Variants in PDP2 observed in about 807,000 individuals in gnomAD.
PDP2 encodes the protein [Pyruvate dehydrogenase [acetyl-transferring]]-phosphatase 2, mitochondrial.
A neutral mutation model predicts 34.2 loss-of-function variants in PDP2; 23 were observed. That is an observed-to-expected ratio of 0.67 (90% CI 0.48 to 0.95). The LOEUF is 0.95. Ranked by LOEUF, PDP2 falls within the 40% of genes least tolerant of loss-of-function variation. The pLI is 0.00. For missense variants in PDP2, 571 were observed against 659.6 expected, an observed-to-expected ratio of 0.87 and a Z score of 1.47; for synonymous variants, 275 against 269.2, an observed-to-expected ratio of 1.02 and a Z score of -0.21.
chr16:66,884,329 C>G lies in PDP2; in HGVS notation c.45C>G (p.Asn15Lys). 2 of 1,613,478 alleles carry G rather than the reference C, an allele frequency of 1.2e-6. No homozygotes were observed. Among genetic ancestry groups the G allele is most frequent in the Admixed American group, 1.7e-5 (1 of 59,974 alleles). The change falls in exon 2 of 2, where the codon AAC (asparagine) becomes AAG (lysine). Residue 15 changes from asparagine to lysine, a missense_variant. Physicochemically the swap from Asn to Lys is moderately conservative, Grantham distance 94. This residue lies in a region of PDP2 where 290 missense variants were observed against 283.8 expected (regional missense o/e 1.02). Coordinates refer to ENST00000311765, the MANE Select transcript of PDP2 (RefSeq NM_020786.4). ...VSYWILNSTR[N>K]SIATLQGGRR... The stretch of plus-strand genomic sequence containing the variant: ...ACTGGATCTTAAATTCTACAAGGAA[C>G]AGCATTGCCACATTGCAAGGGGGTA...
chr16:66,887,961 A>G lies in PDP2; in HGVS notation c.*2087A>G. On this transcript the variant is annotated 3_prime_UTR_variant, in exon 2 of 2. Transcript: ENST00000311765. ...GAGTGAAACTCTGTCTCAAAAAAAA[A>G]AAAAAAAAATCCATCTTATCTCTTA... 1 of 151,720 alleles carries G rather than the reference A, an allele frequency of 6.6e-6. No homozygotes were observed. The highest frequency in any genetic ancestry group is 1.5e-5 in the Non-Finnish European group (1 of 67,952). 9.4% of individuals were successfully genotyped at this position (151,720 alleles called of 1,614,324 possible).
Position 66,884,946 on chromosome 16 carries a change from T to C in PDP2, c.662T>C (p.Met221Thr), listed in dbSNP as rs749897932. 1 of 1,613,940 alleles carries C rather than the reference T, an allele frequency of 6.2e-7. No homozygotes were observed. Among genetic ancestry groups the C allele is most frequent in the Non-Finnish European group, 8.5e-7 (1 of 1,179,966 alleles). ...VYWQELLDLH[M>T]EMGLSIEEAL... ...TGGCAGGAACTGCTTGATTTGCACATGGAAATGGGACTAAGCATTGAAGAA... is the reference window on the plus strand; with the variant it reads ...TGGCAGGAACTGCTTGATTTGCACACGGAAATGGGACTAAGCATTGAAGAA... Residue 221 changes from methionine to threonine, a missense_variant, in exon 2 of 2, where the codon ATG (methionine) becomes ACG (threonine). This residue lies in a region of PDP2 where 290 missense variants were observed against 283.8 expected (regional missense o/e 1.02). Transcript: ENST00000311765.
rs1961781006 is a variant in PDP2, at chr16:66,886,752, C to T, written c.*878C>T. The T allele has an allele frequency of 4.3e-6, 1 of 231,558 alleles. No homozygotes were observed. The highest frequency in any genetic ancestry group is 1.0e-5 in the Non-Finnish European group (1 of 99,660). 14.3% of individuals were successfully genotyped at this position (231,558 alleles called of 1,614,324 possible). A position where few individuals can be genotyped will look rare whatever the true frequency, so the allele number is the denominator to read the frequency against. ...ACAGCATTTAAGCTTTCTGATTATA[C>T]CTCTCAAACATTCTTCTGTCAATTC... On this transcript the variant is annotated 3_prime_UTR_variant, in exon 2 of 2. Transcript: ENST00000311765.
Position 66,886,923 on chromosome 16 carries a change from G to A in PDP2, c.*1049G>A, listed in dbSNP as rs928318613. ...GAAAATGTGATTGCATGTGGTAGTT[G>A]TGGTGATAGACGTTTAGACAGGACA... On this transcript the variant is annotated 3_prime_UTR_variant, in exon 2 of 2. Transcript: ENST00000311765. 1 of 178,254 alleles carries A rather than the reference G, an allele frequency of 5.6e-6. No homozygotes were observed. The highest frequency in any genetic ancestry group is 5.9e-5 in the Admixed American group (1 of 16,854). 11.0% of individuals were successfully genotyped at this position (178,254 alleles called of 1,614,324 possible).
chr16:66,885,868 G>A lies in PDP2; in HGVS notation c.1584G>A (p.Gly528=), dbSNP rs1242306540. Residue 528 remains glycine (G), a synonymous_variant, in exon 2 of 2, where the codon GGG becomes GGA. Coordinates refer to ENST00000311765, the MANE Select transcript of PDP2 (RefSeq NM_020786.4). The surrounding 1 kb of genome is among the most constrained non-coding windows in gnomAD (Gnocchi z 4.6). ...NSESIGAYYK[G]G ...AATCAATCGGTGCATATTACAAGGG[G>A]GGTTAAGAATCTCCCATCCTATTGT... The A allele has an allele frequency of 5.0e-6, 8 of 1,594,348 alleles. No homozygotes were observed. Among genetic ancestry groups the A allele is most frequent in the Non-Finnish European group, 6.9e-6 (8 of 1,166,266 alleles).
intron 1 of PDP2, among the ~76,000 whole-genome samples, chr16:66,883,816 GT>G (rs144053561): frequency 0.11 from 16,033 of 152,044 alleles, 1,393 homozygotes; most frequent in African/African-American, 0.22. Flanking sequence ...ATTTTAAATA[GT>G]TTATTCTAAG....
Position 66,887,974 on chromosome 16 carries a change from A to G in PDP2, c.*2100A>G, listed in dbSNP as rs996136869. On this transcript the variant is annotated 3_prime_UTR_variant, in exon 2 of 2. Coordinates refer to ENST00000311765, the MANE Select transcript of PDP2 (RefSeq NM_020786.4). ...TCTCAAAAAAAAAAAAAAAAAATCCATCTTATCTCTTAGTCCGTCCTTCCT... is the reference window on the plus strand; with the variant it reads ...TCTCAAAAAAAAAAAAAAAAAATCCGTCTTATCTCTTAGTCCGTCCTTCCT... 6.8e-6 allele frequency: 1 copy of G among 146,532 alleles called. No individual in the cohort carries two copies. Among genetic ancestry groups the G allele is most frequent in the African/African-American group, 2.6e-5 (1 of 39,122 alleles). 9.1% of individuals were successfully genotyped at this position (146,532 alleles called of 1,614,324 possible).
In PDP2 at chr16:66,887,926, T is replaced by G. The variant is rs1273522494; in HGVS notation, c.*2052T>G. ...AAGATCGCACCATTGCACTCCAGCC[T>G]GGGCAACAAGAGTGAAACTCTGTCT... On this transcript the variant is annotated 3_prime_UTR_variant, in exon 2 of 2. Coordinates refer to ENST00000311765, the MANE Select transcript of PDP2 (RefSeq NM_020786.4). 3 of 143,692 alleles carry G rather than the reference T, an allele frequency of 2.1e-5. No homozygotes were observed. Among genetic ancestry groups the G allele is most frequent in the Non-Finnish European group, 4.5e-5 (3 of 66,530 alleles). 8.9% of individuals were successfully genotyped at this position (143,692 alleles called of 1,614,324 possible). A position where few individuals can be genotyped will look rare whatever the true frequency, so the allele number is the denominator to read the frequency against.
chr16:66,885,079 T>G lies in PDP2; in HGVS notation c.795T>G (p.Ser265=), dbSNP rs1239831257. The stretch of plus-strand genomic sequence containing the variant: ...ACCTGTCACTCCAGGTTGCTTTCTC[T>G]GGGGCAACAGCTTGCATGGCCCATG... The part of the protein sequence containing the change: ...TRNLSLQVAF[S]GATACMAHVD... The change falls in exon 2 of 2, where the codon TCT becomes TCG. Residue 265 remains serine (S), a synonymous_variant. Transcript: ENST00000311765. The surrounding 1 kb of genome is among the most constrained non-coding windows in gnomAD (Gnocchi z 4.6). 3.1e-6 allele frequency: 5 copies of G among 1,613,992 alleles called. No individual in the cohort carries two copies. The South Asian group carries it at 5.5e-5, about 18-fold the overall frequency.
At position 66,884,656 on chromosome 16, in the gene PDP2, A is replaced by T; in HGVS notation, c.372A>T (p.Arg124=). The change falls in exon 2 of 2, where the codon CGA becomes CGT. Residue 124 remains arginine (R), a synonymous_variant. Coordinates refer to ENST00000311765, the MANE Select transcript of PDP2 (RefSeq NM_020786.4). ...CCAATTCCCCAGTGGAGGACCGGCG[A>T]GGTGTAGCCTCCTGCCTGCAAACCA... The part of the protein sequence containing the change: ...LAANSPVEDR[R]GVASCLQTNG... The T allele has an allele frequency of 6.2e-7, 1 of 1,614,216 alleles. No individual in the cohort carries two copies. The highest frequency in any genetic ancestry group is 8.5e-7 in the Non-Finnish European group (1 of 1,180,036).
rs1442654763 is a variant in PDP2 at position 66,888,545 on chromosome 16, CT to C, written c.*2672del. 1 of 152,186 alleles carries C rather than the reference CT, an allele frequency of 6.6e-6. No homozygotes were observed. The highest frequency in any genetic ancestry group is 2.4e-5 in the African/African-American group (1 of 41,436). 9.4% of individuals were successfully genotyped at this position (152,186 alleles called of 1,614,324 possible). On this transcript the variant is annotated 3_prime_UTR_variant, in exon 2 of 2. Transcript: ENST00000311765. The stretch of plus-strand genomic sequence containing the variant: ...ATCATTATAACTCACTGTCAAACTC[CT>C]GGACTCCAATGTTCCCTCCCCTTTT...
chr16:66,881,247 G>T (rs1057128643), intron 1 of PDP2, among the ~76,000 whole-genome samples: 1 of 152,052 alleles, frequency 6.6e-6, no homozygotes, highest in Non-Finnish European at 1.5e-5. Context: ...CTCTGCTCCC[G>T]GACAGACCGC....
Position 66,884,989 on chromosome 16 carries a change from C to G in PDP2, c.705C>G (p.Phe235Leu). The change falls in exon 2 of 2, where the codon TTC (phenylalanine) becomes TTG (leucine). Residue 235 changes from phenylalanine (F) to leucine (L), a missense_variant. Physicochemically the swap from Phe to Leu is conservative, Grantham distance 22. Coordinates refer to ENST00000311765, the MANE Select transcript of PDP2 (RefSeq NM_020786.4). Reference protein sequence around the residue: ...LSIEEALMYSFQRLDSDISLE... With the variant: ...LSIEEALMYSLQRLDSDISLE... ...TTGAAGAAGCATTAATGTACTCCTT[C>G]CAGAGACTGGATTCTGACATCTCGC... 1 of 1,613,496 alleles carries G rather than the reference C, an allele frequency of 6.2e-7. No individual in the cohort carries two copies. The highest frequency in any genetic ancestry group is 2.2e-5 in the East Asian group (1 of 44,876).
chr16:66,884,064 C>T (rs1197599186), intron 1 of PDP2, among the ~76,000 whole-genome samples, 167 bp from the exon 2 acceptor site: 1 of 151,190 alleles, frequency 6.6e-6, no homozygotes, highest in Non-Finnish European at 1.5e-5. Flanking sequence ...GTCCCAGCTA[C>T]TCCAGAGTCT....
In PDP2 at chr16:66,885,264, CAG is replaced by C. The variant is rs760591702; in HGVS notation, c.983_984del (p.Glu328GlyfsTer29). On this transcript the variant is annotated frameshift_variant, in exon 2 of 2. Transcript: ENST00000311765. LOFTEE classifies it high-confidence loss of function. The surrounding 1 kb of genome is among the most constrained non-coding windows in gnomAD (Gnocchi z 4.6). ...CGGCTAAAGAGGGAGCACCCTGAGT[CAG>C]AGGACAGGACGATCATCATGGAGGA... The C allele has an allele frequency of 8.7e-6, 14 of 1,614,084 alleles. No homozygotes were observed. The Admixed American group carries it at 2.2e-4, about 25-fold the overall frequency.
rs1259953821 is a variant in PDP2 at position 66,885,146 on chromosome 16, C to T, written c.862C>T (p.Arg288Ter). Residue 288 changes from arginine (R) to a stop codon, truncating the protein, a stop_gained, in exon 2 of 2, where the codon CGA (arginine) becomes TGA (stop). Transcript: ENST00000311765. LOFTEE classifies it high-confidence loss of function. The surrounding 1 kb of genome is among the most constrained non-coding windows in gnomAD (Gnocchi z 4.6). ...HLHVANAGDC[R>*]AILGVQEDNG... The stretch of plus-strand genomic sequence containing the variant: ...GCACGTGGCAAATGCTGGTGACTGC[C>T]GAGCCATCCTTGGTGTCCAAGAGGA... The T allele has an allele frequency of 1.2e-6, 2 of 1,613,932 alleles. No individual in the cohort carries two copies. Among genetic ancestry groups the T allele is most frequent in the South Asian group, 1.1e-5 (1 of 91,078 alleles).
Position 66,885,475 on chromosome 16 carries a change from C to A in PDP2, c.1191C>A (p.Tyr397Ter), listed in dbSNP as rs779039723. 1.2e-6 allele frequency: 2 copies of A among 1,614,002 alleles called. No homozygotes were observed. The highest frequency in any genetic ancestry group is 8.5e-7 in the Non-Finnish European group (1 of 1,180,038). ...TGACTGCTGAGCCTGAGGTCACATA[C>A]CACAGGCTGAGGCCCCAGGATAAGT... ...PYLTAEPEVTYHRLRPQDKFL... is the reference protein window; with the variant it reads ...PYLTAEPEVT The change falls in exon 2 of 2, where the codon TAC becomes TAA. Residue 397 changes from tyrosine (Y) to a stop codon, truncating the protein, a stop_gained. Transcript: ENST00000311765. LOFTEE classifies it high-confidence loss of function. This position sits in a 1 kb window ranked among gnomAD's most constrained non-coding sequence, Gnocchi z 4.6.
In PDP2 at chr16:66,886,013, A is replaced by C. The variant is rs575530494; in HGVS notation, c.*139A>C. The C allele has an allele frequency of 4.9e-6, 4 of 817,506 alleles. No individual in the cohort carries two copies. The South Asian group carries it at 5.4e-5, about 11-fold the overall frequency. 50.6% of individuals were successfully genotyped at this position (817,506 alleles called of 1,614,324 possible). On this transcript the variant is annotated 3_prime_UTR_variant, in exon 2 of 2. Coordinates refer to ENST00000311765, the MANE Select transcript of PDP2 (RefSeq NM_020786.4). ...CTAAATAGACTAACAGGAGGAAAAA[A>C]ACAAACAGCCTAGCTTTAAAAAACA... is the stretch of plus-strand genomic sequence containing the variant.
chr16:66,881,223 G>C (rs1043155931), intron 1 of PDP2, among the ~76,000 whole-genome samples: 6 of 152,118 alleles, frequency 3.9e-5, no homozygotes, highest in African/African-American at 1.4e-4. Context: ...TGCAGGGCCG[G>C]AGCGTCAGGC....
Sources: gnomAD v4.1 joint callset for allele counts (sites outside exome capture counted in the v4.1 genomes callset) on GRCh38, gnomAD v4.1.1 for gene constraint, gnomAD v4.1.1 regional missense constraint, Gnocchi (gnomAD v3.1) non-coding constraint, MANE v1.5 for transcripts, NCBI Gene and HGNC (gene_info 2026-07-23, HGNC 2026-07-21) for gene names.